The following MYO1E variants were observed in gnomAD, a reference collection of about 807,000 sequenced individuals.
MYO1E encodes the protein unconventional myosin-Ie.
A neutral mutation model predicts 151.1 loss-of-function variants in MYO1E; 68 were observed. The ratio of observed to expected loss-of-function variants is 0.45; its 90% CI spans 0.37 to 0.55. MYO1E has a LOEUF of 0.55. MYO1E is among the 20% of genes least tolerant of loss of function. MYO1E has a pLI of 0.00. For missense variants in MYO1E, 1,363 were observed against 1,389.3 expected, an observed-to-expected ratio of 0.98 and a Z score of 0.30; for synonymous variants, 601 against 501.7, an observed-to-expected ratio of 1.20 and a Z score of -2.64.
chr15:59,267,871 A>G (rs1454672114), intron 2 of MYO1E, among the ~76,000 whole-genome samples: 4 of 152,238 alleles, frequency 2.6e-5, no homozygotes, highest in South Asian at 4.1e-4. Context: ...CATAGGACAA[A>G]TAACTCAAAA....
intron 14 of MYO1E, chr15:59,206,980 G>C (rs3809530): frequency 1.2e-6 from 2 of 1,613,680 alleles, no homozygotes; most frequent in Non-Finnish European, 1.7e-6. Flanking sequence ...CAGCCAGAGA[G>C]TGAGCTCGGT....
intron 13 of MYO1E, 200 bp from the exon 14 acceptor site, chr15:59,209,048 C>T: frequency 1.5e-6 from 1 of 656,298 alleles, no homozygotes; most frequent in South Asian, 1.9e-5. Context: ...GGAGGAAACT[C>T]CACTTTCCAA....
intron 1 of MYO1E, among the ~76,000 whole-genome samples, chr15:59,290,585 C>T (rs2080413326): frequency 6.6e-6 from 1 of 152,200 alleles, no homozygotes; most frequent in Non-Finnish European, 1.5e-5. Context: ...GCGGGCTTCT[C>T]ATTCAAAAAT....
Position 59,265,976 on chromosome 15 carries a change from TA to T in MYO1E, c.148-4468del, listed in dbSNP as rs1157635970. Among the ~76,000 whole-genome samples, 12 of 150,776 alleles carry T rather than the reference TA, an allele frequency of 8.0e-5. No homozygotes were observed. The South Asian group carries it at 1.9e-3, about 24-fold the overall frequency. ...AGCAAATAAAATAAAATAAAAAATT[TA>T]AAAAAAAGTCTCAAAAAATAAAATG... On this transcript the variant is annotated intron_variant, in intron 2 of 27. Transcript: ENST00000288235.
At chr15:59,290,112 T>C (rs1291400490) in intron 1 of MYO1E, among the ~76,000 whole-genome samples, 1 of 152,188 alleles carries the variant, frequency 6.6e-6, no homozygotes, top group Non-Finnish European at 1.5e-5. Flanking sequence ...GTGATCCCCA[T>C]TTAACAGATG....
rs555234027 is a variant in MYO1E, at chr15:59,234,278, A to G, written c.420+2307T>C. 2.1e-3 allele frequency among the ~76,000 whole-genome samples: 311 copies of G among 148,350 alleles called. 2 individuals are homozygous for G. Among genetic ancestry groups the G allele is most frequent in the African/African-American group, 7.7e-3 (293 of 38,028 alleles). ...GATGGATGGGTGCATGGATGGATGG[A>G]TGCACGGATGGATGGATGGATGGAT... On this transcript the variant is annotated intron_variant, in intron 5 of 27. Transcript: ENST00000288235.
intron 1 of MYO1E, among the ~76,000 whole-genome samples, chr15:59,318,359 G>A (rs1199371980): frequency 4.6e-5 from 7 of 152,048 alleles, no homozygotes; most frequent in African/African-American, 1.7e-4. Flanking sequence ...TGAGCCCAAC[G>A]GAGACTACCA....
At chr15:59,170,054 G>A (rs1254650078) in intron 22 of MYO1E, among the ~76,000 whole-genome samples, 7 of 152,078 alleles carry the variant, frequency 4.6e-5, no homozygotes, top group Non-Finnish European at 1.0e-4. Flanking sequence ...CCAGCTACTC[G>A]GGAGCCTGAG....
intron 14 of MYO1E, chr15:59,207,827 A>G: frequency 1.2e-6 from 2 of 1,614,200 alleles, no homozygotes; most frequent in Non-Finnish European, 1.7e-6. Context: ...ATGAAAGGTT[A>G]TACTTCTTGG....
intron 1 of MYO1E, among the ~76,000 whole-genome samples, chr15:59,338,865 C>T (rs1465800535): frequency 4.6e-5 from 7 of 152,228 alleles, no homozygotes; most frequent in African/African-American, 1.7e-4. Flanking sequence ...GGCGCTGTGG[C>T]TCATGCCTGT....
At position 59,149,052 on chromosome 15, in the gene MYO1E, G is replaced by GTTTT. The variant is rs570700878; in HGVS notation, c.3080+4534_3080+4537dup. Among the ~76,000 whole-genome samples the GTTTT allele has an allele frequency of 2.0e-4, 26 of 128,226 alleles. No homozygotes were observed. In the East Asian group the frequency reaches 2.2e-3, roughly 11 times the overall value. The allele number at this position is 128,226 out of a possible 152,430, so 84.1% of individuals were successfully genotyped here. On this transcript the variant is annotated intron_variant, in intron 26 of 27. Coordinates refer to ENST00000288235, the MANE Select transcript of MYO1E (RefSeq NM_004998.4). ...GTGGATGAACTGTTTTTTTTTTTTT[G>GTTTT]TTTTTTTTTTTTTTTTTTTTTTGAG...
intron 2 of MYO1E, chr15:59,271,117 T>C (rs1398794597): frequency 1.3e-5 from 2 of 152,190 alleles, no homozygotes; most frequent in Non-Finnish European, 2.9e-5. Flanking sequence ...CTGTTAATTA[T>C]TTAACAGTAT....
chr15:59,286,188 A>G (rs903761833), intron 1 of MYO1E, among the ~76,000 whole-genome samples: 2 of 152,254 alleles, frequency 1.3e-5, no homozygotes, highest in Non-Finnish European at 2.9e-5. Flanking sequence ...CAGAGTTGAT[A>G]TCAACCTGCC....
At position 59,135,765 on chromosome 15, in the gene MYO1E, G is replaced by A. The variant is rs1242689734; in HGVS notation, c.*1615C>T. The A allele has an allele frequency of 6.6e-6, 1 of 152,012 alleles. No homozygotes were observed. The highest frequency in any genetic ancestry group is 1.5e-5 in the Non-Finnish European group (1 of 68,034). The allele number at this position is 152,012 out of a possible 1,614,324, so 9.4% of individuals were successfully genotyped here. A position where few individuals can be genotyped will look rare whatever the true frequency, so the allele number is the denominator to read the frequency against. On this transcript the variant is annotated 3_prime_UTR_variant, in exon 28 of 28. Coordinates refer to ENST00000288235, the MANE Select transcript of MYO1E (RefSeq NM_004998.4). ...CTTGAGGATCCTGAAAGCCTCAAAGGTGTATGCTGCTCAAACTCTAAGTTA... is the reference window on the plus strand; with the variant it reads ...CTTGAGGATCCTGAAAGCCTCAAAGATGTATGCTGCTCAAACTCTAAGTTA...
intron 1 of MYO1E, among the ~76,000 whole-genome samples, chr15:59,289,442 T>C (rs1339043832): frequency 2.0e-5 from 3 of 152,244 alleles, no homozygotes; most frequent in Non-Finnish European, 4.4e-5. Flanking sequence ...TAGTTTTTAA[T>C]GTAAAGATAA....
intron 2 of MYO1E, among the ~76,000 whole-genome samples, chr15:59,264,325 C>T (rs2080240978): frequency 6.6e-6 from 1 of 152,174 alleles, no homozygotes; most frequent in South Asian, 2.1e-4. Flanking sequence ...AGCTAGGATT[C>T]AAACTCAGGC....
At chr15:59,190,412 G>A (rs1203249014) in intron 17 of MYO1E, among the ~76,000 whole-genome samples, 1 of 152,170 alleles carries the variant, frequency 6.6e-6, no homozygotes, top group African/African-American at 2.4e-5. Flanking sequence ...CCGATGTCAC[G>A]CAGGTTCCCA....
intron 1 of MYO1E, among the ~76,000 whole-genome samples, chr15:59,334,953 A>T (rs2140425230): frequency 6.6e-6 from 1 of 152,312 alleles, no homozygotes; most frequent in Admixed American, 6.5e-5. Flanking sequence ...CAAGCAGACA[A>T]AGGAAGCCTA....
chr15:59,163,107 G>T (rs1231290256), intron 23 of MYO1E, 50 bp downstream of exon 23: 2 of 1,604,048 alleles, frequency 1.2e-6, no homozygotes, highest in Non-Finnish European at 1.7e-6. Flanking sequence ...GTGCGATCAA[G>T]ACCCCTTTTT....
Sources: gnomAD v4.1 joint callset for allele counts (sites outside exome capture counted in the v4.1 genomes callset) on GRCh38, gnomAD v4.1.1 for gene constraint, MANE v1.5 for transcripts, NCBI Gene and HGNC (gene_info 2026-07-23, HGNC 2026-07-21) for gene names.